PCDH15: variants seen among roughly 807,000 people sequenced by gnomAD.
The protein encoded by PCDH15 is protocadherin-15.
Under a neutral mutation model 178.5 loss-of-function variants are expected in PCDH15, and 129 were observed. That is an observed-to-expected ratio of 0.72 (90% confidence interval 0.63 to 0.84). The LOEUF (loss-of-function observed/expected upper bound fraction) is 0.84, where lower values mean the gene tolerates loss of function less well. Ranked by LOEUF, PCDH15 falls within the 40% of genes least tolerant of loss-of-function variation. The pLI is 0.00. For synonymous variants in PCDH15, 800 were observed against 732.0 expected (o/e 1.09, Z -1.50); for missense variants, 2,230 against 2,099.9 (o/e 1.06, Z -1.21).
chr10:55,542,626 GGTACATACAGACATATGTATGTGTCTAT>G (rs1841793037), intron 2 of PCDH15, among the ~76,000 whole-genome samples: 2 of 141,730 alleles, frequency 1.4e-5, no homozygotes, highest in Non-Finnish European at 3.1e-5. Flanking sequence ...TGTCTATATA[GGTACATACAGACATATGTATGTGTCTAT>G]ATAGGTACAT....
intron 2 of PCDH15, among the ~76,000 whole-genome samples, chr10:55,055,580 A>G (rs934155391): frequency 5.9e-5 from 9 of 152,192 alleles, no homozygotes; most frequent in Admixed American, 4.6e-4. Flanking sequence ...AGGCAGGTGG[A>G]TACCTTGAGT....
chr10:55,578,755 G>GA (rs915483062), intron 2 of PCDH15, among the ~76,000 whole-genome samples: 5 of 152,154 alleles, frequency 3.3e-5, no homozygotes, highest in African/African-American at 1.2e-4. Flanking sequence ...GTTGGAAGGG[G>GA]AAGGGGGAGC....
At chr10:54,489,855 T>C (rs549932072) in intron 3 of PCDH15, among the ~76,000 whole-genome samples, 81 of 152,300 alleles carry the variant, frequency 5.3e-4, no homozygotes, top group Non-Finnish European at 1.1e-3. Context: ...TTTGCTTGCT[T>C]GCTTGCTTGC....
At chr10:54,133,101 G>C in intron 14 of PCDH15, 94 bp from the exon 15 acceptor site, 1 of 1,547,376 alleles carries the variant, frequency 6.5e-7, no homozygotes, top group African/African-American at 1.4e-5. Flanking sequence ...GTTTACAGGA[G>C]AAAAAATTTC....
At chr10:53,898,196 T>C (rs1053920449) in intron 26 of PCDH15, among the ~76,000 whole-genome samples, 12 of 151,888 alleles carry the variant, frequency 7.9e-5, no homozygotes, top group Non-Finnish European at 1.5e-4. Flanking sequence ...CTGGATCTCC[T>C]GACCTCGTGA....
intron 2 of PCDH15, among the ~76,000 whole-genome samples, chr10:54,628,583 A>C (rs550021787): frequency 6.6e-6 from 1 of 152,308 alleles, no homozygotes; most frequent in African/African-American, 2.4e-5. Flanking sequence ...GTCTAAATTT[A>C]AGCATCAATT....
chr10:54,162,806 T>G (rs1379234968), intron 13 of PCDH15, among the ~76,000 whole-genome samples: 1 of 152,328 alleles, frequency 6.6e-6, no homozygotes, highest in South Asian at 2.1e-4. Flanking sequence ...AGTTAAATTC[T>G]AACTTTGACC....
intron 14 of PCDH15, among the ~76,000 whole-genome samples, chr10:54,139,737 G>A (rs955232421): frequency 4.6e-5 from 7 of 151,898 alleles, no homozygotes; most frequent in Non-Finnish European, 8.8e-5. Flanking sequence ...TAAAATTATG[G>A]GCTTGAAATG....
chr10:55,236,932 G>C (rs1316303858), intron 1 of PCDH15, among the ~76,000 whole-genome samples: 1 of 151,340 alleles, frequency 6.6e-6, no homozygotes, highest in Non-Finnish European at 1.5e-5. Context: ...TGGTAGAAAT[G>C]TAATATAGTA....
At chr10:54,498,177 C>A (rs1479835336) in intron 3 of PCDH15, among the ~76,000 whole-genome samples, 1 of 152,012 alleles carries the variant, frequency 6.6e-6, no homozygotes, top group Non-Finnish European at 1.5e-5. Flanking sequence ...AAAAGAAATT[C>A]CATCTAAAAA....
At chr10:54,559,766 T>G (rs1173094965) in intron 2 of PCDH15, among the ~76,000 whole-genome samples, 1 of 149,646 alleles carries the variant, frequency 6.7e-6, no homozygotes, top group Non-Finnish European at 1.5e-5. Context: ...CAGAATTAGC[T>G]TCTCACTGTA....
chr10:53,808,086 A>G (rs1331022314), intron 37 of PCDH15: 1 of 151,718 alleles, frequency 6.6e-6, no homozygotes, highest in Non-Finnish European at 1.5e-5. Flanking sequence ...GCTAATAATA[A>G]CAGAAAATAA....
intron 2 of PCDH15, among the ~76,000 whole-genome samples, chr10:55,112,359 G>A (rs1329963484): frequency 6.6e-6 from 1 of 152,158 alleles, no homozygotes; most frequent in Non-Finnish European, 1.5e-5. Flanking sequence ...AAGGCAGTCT[G>A]CTTAGTACCC....
At chr10:54,423,613 G>T (rs1379727778) in intron 3 of PCDH15, among the ~76,000 whole-genome samples, 1 of 151,722 alleles carries the variant, frequency 6.6e-6, no homozygotes, top group Non-Finnish European at 1.5e-5. Flanking sequence ...TGCTCAATAA[G>T]GTCATACTTT....
At chr10:54,463,423 C>G (rs1454460245) in intron 3 of PCDH15, among the ~76,000 whole-genome samples, 1 of 152,070 alleles carries the variant, frequency 6.6e-6, no homozygotes, top group Non-Finnish European at 1.5e-5. Flanking sequence ...GGATAGATGA[C>G]TTATCCAGGG....
chr10:54,621,838 A>G (rs1420438123), intron 2 of PCDH15, among the ~76,000 whole-genome samples: 1 of 152,104 alleles, frequency 6.6e-6, no homozygotes, highest in Non-Finnish European at 1.5e-5. Context: ...TCTTCAGGAA[A>G]GAAAATGAAA....
intron 20 of PCDH15, among the ~76,000 whole-genome samples, chr10:53,998,204 G>A (rs1219098113): frequency 2.0e-5 from 3 of 152,036 alleles, no homozygotes; most frequent in African/African-American, 7.2e-5. Flanking sequence ...GTTAAGAATT[G>A]TATCACTAAA....
chr10:54,419,614 A>G (rs568547452), intron 3 of PCDH15, among the ~76,000 whole-genome samples: 1 of 152,236 alleles, frequency 6.6e-6, no homozygotes, highest in African/African-American at 2.4e-5. Context: ...TTGACTCAAG[A>G]CATTCCAGTT....
intron 2 of PCDH15, among the ~76,000 whole-genome samples, chr10:55,348,448 G>C (rs964634444): frequency 1.3e-5 from 2 of 151,944 alleles, no homozygotes; most frequent in African/African-American, 2.4e-5. Context: ...ATGCTTGCTG[G>C]AGACAAGAAT....
Sources: allele counts gnomAD v4.1 joint callset (sites outside exome capture counted in the v4.1 genomes callset), GRCh38; gene constraint gnomAD v4.1.1; transcripts MANE v1.5; gene names NCBI Gene and HGNC (gene_info 2026-07-23, HGNC 2026-07-21).